Variants in ASAP2 observed in about 807,000 individuals in gnomAD.
The protein encoded by ASAP2 is arf-GAP with SH3 domain, ANK repeat and PH domain-containing protein 2.
A neutral mutation model predicts 131.4 loss-of-function variants in ASAP2; 45 were observed. The observed-to-expected ratio is 0.34, with a 90% CI of 0.27 to 0.44. ASAP2 has a LOEUF of 0.44. Among genes scored for constraint, ASAP2 ranks in the 20% least tolerant of loss-of-function variants. The pLI is 1.00. For missense variants in ASAP2, 1,011 were observed against 1,297.0 expected, an observed-to-expected ratio of 0.78 and a Z score of 3.39; for synonymous variants, 510 against 503.0, an observed-to-expected ratio of 1.01 and a Z score of -0.19.
Position 9,209,416 on chromosome 2 carries a change from G to A in ASAP2, c.126+2186G>A, listed in dbSNP as rs1212337206. Among the ~76,000 whole-genome samples, 9 of 152,280 alleles carry A rather than the reference G, an allele frequency of 5.9e-5. 1 individual carries two copies. Among genetic ancestry groups the A allele is most frequent in the East Asian group, 1.9e-4 (1 of 5,184 alleles). On this transcript the variant is annotated intron_variant, in intron 1 of 27. Transcript: ENST00000281419. ...GGTTTAATAACAATTGATGTGTACA[G>A]TATTTTGGTTTTAAACAAAAATCTT... is the stretch of plus-strand genomic sequence containing the variant.
chr2:9,221,180 A>G lies in ASAP2; in HGVS notation c.126+13950A>G, dbSNP rs548807649. The stretch of plus-strand genomic sequence containing the variant: ...TATGAATTTTAGGATCAACTTTTCA[A>G]TTCCTGCAAAAAAGCCAGCTGAGAT... On this transcript the variant is annotated intron_variant, in intron 1 of 27. Transcript: ENST00000281419. 1.1e-4 allele frequency among the ~76,000 whole-genome samples: 16 copies of G among 152,234 alleles called. 1 individual carries two copies. The South Asian group carries it at 3.1e-3, about 30-fold the overall frequency.
At position 9,217,225 on chromosome 2, in the gene ASAP2, T is replaced by C. The variant is rs904403071; in HGVS notation, c.126+9995T>C. Among the ~76,000 whole-genome samples, 6 of 152,208 alleles carry C rather than the reference T, an allele frequency of 3.9e-5. No homozygotes were observed. The highest frequency in any genetic ancestry group is 1.4e-4 in the African/African-American group (6 of 41,456). Reference sequence around the variant, plus strand: ...TGTTAGTGTTAGAAAGTTGCAGCTATTGCATTGCTCGAGTGGGTGCTTCTG... The same window carrying C: ...TGTTAGTGTTAGAAAGTTGCAGCTACTGCATTGCTCGAGTGGGTGCTTCTG... On this transcript the variant is annotated intron_variant, in intron 1 of 27. Coordinates refer to ENST00000281419, the MANE Select transcript of ASAP2 (RefSeq NM_003887.3). The surrounding 1 kb of genome is among the most constrained non-coding windows in gnomAD (Gnocchi z 4.0).
intron 1 of ASAP2, among the ~76,000 whole-genome samples, chr2:9,224,481 A>T (rs1276433418): frequency 6.6e-6 from 1 of 152,136 alleles, no homozygotes; most frequent in African/African-American, 2.4e-5. Context: ...TTTTTCTTTC[A>T]AAGGATTGCT....
chr2:9,405,038 G>A lies in ASAP2; in HGVS notation c.*1711G>A, dbSNP rs1677096733. 1 of 152,454 alleles carries A rather than the reference G, an allele frequency of 6.6e-6. No individual in the cohort carries two copies. 9.4% of individuals were successfully genotyped at this position (152,454 alleles called of 1,614,324 possible). ...AATCCTCCTGCATCTGTATTTTATA[G>A]TCAGCCTTTTGACCACCTGGTGCCA... On this transcript the variant is annotated 3_prime_UTR_variant, in exon 28 of 28. Transcript: ENST00000281419.
chr2:9,392,291 G>A lies in ASAP2; in HGVS notation c.2518+1095G>A, dbSNP rs1675790991. Among the ~76,000 whole-genome samples, 2 of 152,222 alleles carry A rather than the reference G, an allele frequency of 1.3e-5. No individual in the cohort carries two copies. The highest frequency in any genetic ancestry group is 2.1e-4 in the South Asian group (1 of 4,836). On this transcript the variant is annotated intron_variant, in intron 23 of 27. Coordinates refer to ENST00000281419, the MANE Select transcript of ASAP2 (RefSeq NM_003887.3). The surrounding 1 kb of genome is among the most constrained non-coding windows in gnomAD (Gnocchi z 4.0). The stretch of plus-strand genomic sequence containing the variant: ...TCTTTTTTCACTGGATCAGAGAAGC[G>A]AGCCCTGGATGCTGCCCTGTCTCCT...
At chr2:9,329,039 C>T (rs1406897823) in intron 7 of ASAP2, among the ~76,000 whole-genome samples, 1 of 152,146 alleles carries the variant, frequency 6.6e-6, no homozygotes, top group Non-Finnish European at 1.5e-5. Context: ...AGTAGGTACT[C>T]GGCTGTTTCT....
intron 1 of ASAP2, among the ~76,000 whole-genome samples, chr2:9,214,105 C>T (rs963925415): frequency 6.6e-6 from 1 of 152,228 alleles, no homozygotes; most frequent in African/African-American, 2.4e-5. Flanking sequence ...CCAAACACTC[C>T]TCTTTCTTTC....
intron 1 of ASAP2, among the ~76,000 whole-genome samples, chr2:9,244,057 T>G (rs772768060): frequency 5.9e-5 from 9 of 152,132 alleles, no homozygotes; most frequent in Non-Finnish European, 1.3e-4. Context: ...CCCAGCACTT[T>G]GGGAGGCCGA....
rs1469808155 is a variant in ASAP2, at chr2:9,391,113, T to C, written c.2435T>C (p.Val812Ala). Reference sequence around the variant, plus strand: ...CTGTGGAAGACAAACTCTGTAAGTGTGGACGGTGGAAGCCGGCAGCGATCT... The same window carrying C: ...CTGTGGAAGACAAACTCTGTAAGTGCGGACGGTGGAAGCCGGCAGCGATCT... ...NTLWKTNSVS[V>A]DGGSRQRSSS... Residue 812 changes from valine to alanine, a missense_variant, in exon 23 of 28, where the codon GTG (valine) becomes GCG (alanine). Physicochemically the swap from Val to Ala is moderately conservative, Grantham distance 64 (BLOSUM62 0). Coordinates refer to ENST00000281419, the MANE Select transcript of ASAP2 (RefSeq NM_003887.3). 2 of 1,614,106 alleles carry C rather than the reference T, an allele frequency of 1.2e-6. No homozygotes were observed. Among genetic ancestry groups the C allele is most frequent in the Admixed American group, 3.3e-5 (2 of 60,012 alleles).
At chr2:9,273,170 A>G (rs1158505504) in intron 1 of ASAP2, among the ~76,000 whole-genome samples, 1 of 152,200 alleles carries the variant, frequency 6.6e-6, no homozygotes, top group African/African-American at 2.4e-5. Flanking sequence ...TGATTCTTCC[A>G]GTCCACAAAT....
intron 1 of ASAP2, among the ~76,000 whole-genome samples, chr2:9,248,857 G>A (rs1664515893): frequency 2.0e-5 from 3 of 152,162 alleles, no homozygotes; most frequent in African/African-American, 7.2e-5. Flanking sequence ...CGACTCTGAT[G>A]TGAGCTCAGT....
chr2:9,354,717 A>G (rs1672581142), intron 12 of ASAP2, among the ~76,000 whole-genome samples: 1 of 152,066 alleles, frequency 6.6e-6, no homozygotes, highest in Non-Finnish European at 1.5e-5. Context: ...GAAGTCCAGG[A>G]ACCAAGTTCT....
chr2:9,274,614 C>A (rs894051378), intron 1 of ASAP2, among the ~76,000 whole-genome samples: 3 of 151,924 alleles, frequency 2.0e-5, no homozygotes, highest in African/African-American at 7.3e-5. Flanking sequence ...TGAGCCACCG[C>A]GTCCAGCCTA....
intron 6 of ASAP2, among the ~76,000 whole-genome samples, chr2:9,325,724 ATTTAT>A (rs1214721173): frequency 6.6e-6 from 1 of 152,224 alleles, no homozygotes; most frequent in East Asian, 1.9e-4. Flanking sequence ...TGACTAAGTC[ATTTAT>A]TTTAATGGAA....
chr2:9,302,591 C>T (rs1668571545), intron 3 of ASAP2, among the ~76,000 whole-genome samples: 1 of 152,154 alleles, frequency 6.6e-6, no homozygotes, highest in Non-Finnish European at 1.5e-5. Context: ...TCTTGTGCCT[C>T]AGCCTCCCAA....
chr2:9,275,272 G>C (rs1666689110), intron 1 of ASAP2, among the ~76,000 whole-genome samples: 2 of 152,090 alleles, frequency 1.3e-5, no homozygotes, highest in South Asian at 4.1e-4. Flanking sequence ...GGGTGTCACT[G>C]TTGGCCAGGC....
Position 9,335,941 on chromosome 2 carries a change from G to C in ASAP2, c.849+762G>C, listed in dbSNP as rs114982502. 3.0e-3 allele frequency: 457 copies of C among 152,158 alleles called. 4 individuals carry two copies. Among genetic ancestry groups the C allele is most frequent in the African/African-American group, 0.011 (440 of 41,490 alleles). 9.4% of individuals were successfully genotyped at this position (152,158 alleles called of 1,614,324 possible). ...ACTTGACAGCATAAAGTTCCCTGTT[G>C]GCAGTTTGGTGAGCTCTATTTTATT... On this transcript the variant is annotated intron_variant, in intron 9 of 27. Transcript: ENST00000281419.
At chr2:9,295,229 T>G (rs1668081462) in intron 2 of ASAP2, among the ~76,000 whole-genome samples, 1 of 152,230 alleles carries the variant, frequency 6.6e-6, no homozygotes, top group African/African-American at 2.4e-5. Context: ...AGAGTGGACT[T>G]TGGAATCAGA....
chr2:9,307,641 C>T (rs1572408688), intron 3 of ASAP2, among the ~76,000 whole-genome samples: 2 of 152,266 alleles, frequency 1.3e-5, no homozygotes, highest in African/African-American at 4.8e-5. Flanking sequence ...GGGCAGAGGG[C>T]CCAGTTTTCT....
Sources: allele counts gnomAD v4.1 joint callset (sites outside exome capture counted in the v4.1 genomes callset), GRCh38; gene constraint gnomAD v4.1.1; non-coding constraint Gnocchi (gnomAD v3.1); transcripts MANE v1.5; gene names NCBI Gene and HGNC (gene_info 2026-07-23, HGNC 2026-07-21).